The following TTC39C variants were observed in gnomAD, a reference collection of about 807,000 sequenced individuals.
The protein encoded by TTC39C is tetratricopeptide repeat protein 39C.
Under a neutral mutation model 76.3 loss-of-function variants are expected in TTC39C, and 33 were observed. The ratio of observed to expected loss-of-function variants is 0.43; its 90% CI spans 0.33 to 0.58. TTC39C has a LOEUF of 0.58. Among genes scored for constraint, TTC39C ranks in the 20% least tolerant of loss-of-function variants. TTC39C has a pLI of 0.04. For missense variants in TTC39C, 595 were observed against 701.4 expected (o/e 0.85, Z 1.71); for synonymous variants, 254 against 260.6 (o/e 0.97, Z 0.24).
At chr18:24,073,200 A>G (rs7232317) in intron 4 of TTC39C, among the ~76,000 whole-genome samples, 11,440 of 152,178 alleles carry the variant, frequency 0.075, 766 homozygotes, top group African/African-American at 0.18. Context: ...CACACTCTCC[A>G]TTGCTGCTAG....
At chr18:24,005,757 A>G (rs2083346846) in intron 1 of TTC39C, among the ~76,000 whole-genome samples, 1 of 151,656 alleles carries the variant, frequency 6.6e-6, no homozygotes, top group South Asian at 2.1e-4. Flanking sequence ...AGGTTGGAGG[A>G]CGGCTTGAAT....
chr18:24,077,640 A>T (rs2084323545), intron 4 of TTC39C, among the ~76,000 whole-genome samples: 1 of 152,254 alleles, frequency 6.6e-6, no homozygotes, highest in African/African-American at 2.4e-5. Context: ...AGTGCCAGGC[A>T]CATAATAGAA....
At chr18:24,044,469 A>G (rs2083838655) in intron 1 of TTC39C, among the ~76,000 whole-genome samples, 2 of 152,322 alleles carry the variant, frequency 1.3e-5, no homozygotes, top group Non-Finnish European at 2.9e-5. Context: ...AAGTGTCTCC[A>G]GGGTGCACCG....
In TTC39C at chr18:24,125,737, G is replaced by A. The variant is rs1207024603; in HGVS notation, c.1420+187G>A. 1.5e-5 allele frequency: 10 copies of A among 662,302 alleles called. No homozygotes were observed. The East Asian group carries it at 2.8e-4, about 18-fold the overall frequency. 41.0% of individuals were successfully genotyped at this position (662,302 alleles called of 1,614,324 possible). A position where few individuals can be genotyped will look rare whatever the true frequency, so the allele number is the denominator to read the frequency against. On this transcript the variant is annotated intron_variant, in intron 10 of 13. Transcript: ENST00000317571. ...TGTCACTTAGGTGATGGGAGGAGGA[G>A]GCAGCACTGCTGTGGACAGATATGC...
intron 1 of TTC39C, among the ~76,000 whole-genome samples, chr18:24,036,460 T>C (rs2083734078): frequency 6.6e-6 from 1 of 152,238 alleles, no homozygotes; most frequent in Non-Finnish European, 1.5e-5. Flanking sequence ...TTCCTAAGTA[T>C]TTTATTCTTT....
chr18:24,101,382 C>A lies in TTC39C; in HGVS notation c.985-13172C>A, dbSNP rs570133115. 2.6e-5 allele frequency among the ~76,000 whole-genome samples: 4 copies of A among 150,968 alleles called. No homozygotes were observed. The South Asian group carries it at 8.3e-4, about 31-fold the overall frequency. On this transcript the variant is annotated intron_variant, in intron 6 of 13. Coordinates refer to ENST00000317571, the MANE Select transcript of TTC39C (RefSeq NM_001135993.2). Reference sequence around the variant, plus strand: ...CAGCACTTTGGGAGGCCAAGGCGGGCGTTATCACCAGGTCAAGAGATCGAG... The same window carrying A: ...CAGCACTTTGGGAGGCCAAGGCGGGAGTTATCACCAGGTCAAGAGATCGAG...
chr18:24,033,790 C>T (rs1458755769), intron 1 of TTC39C, among the ~76,000 whole-genome samples: 1 of 152,220 alleles, frequency 6.6e-6, no homozygotes, highest in Admixed American at 6.5e-5. Context: ...CAGAGTCTGT[C>T]TGTGACTGGT....
chr18:24,082,836 A>G, intron 5 of TTC39C, 77 bp from the exon 6 acceptor site: 1 of 1,431,014 alleles, frequency 7.0e-7, no homozygotes, highest in Middle Eastern at 1.9e-4. Context: ...TTGGAAGAAC[A>G]CATACTGGAG....
At chr18:24,035,954 G>C (rs997542875) in intron 1 of TTC39C, among the ~76,000 whole-genome samples, 1 of 151,982 alleles carries the variant, frequency 6.6e-6, no homozygotes, top group Non-Finnish European at 1.5e-5. Context: ...TTAATATTTT[G>C]TATGGTATAA....
upstream of TTC39C, among the ~76,000 whole-genome samples, chr18:24,010,316 G>A (rs1166759846): frequency 6.6e-6 from 1 of 152,202 alleles, no homozygotes; most frequent in African/African-American, 2.4e-5. Flanking sequence ...CTGAAACTCC[G>A]CTACTTGTTA....
At chr18:24,100,058 C>T (rs541234544) in intron 6 of TTC39C, among the ~76,000 whole-genome samples, 1 of 152,132 alleles carries the variant, frequency 6.6e-6, no homozygotes, top group South Asian at 2.1e-4. Flanking sequence ...TTTCTAGTTT[C>T]CCTTAACTTA....
intron 4 of TTC39C, among the ~76,000 whole-genome samples, chr18:24,071,835 T>C (rs2084245182): frequency 6.6e-6 from 1 of 152,244 alleles, no homozygotes; most frequent in South Asian, 2.1e-4. Flanking sequence ...TTATTGTTAC[T>C]TAATCCTGTT....
chr18:24,012,519 T>C (rs1463035984), upstream of TTC39C, among the ~76,000 whole-genome samples: 2 of 152,184 alleles, frequency 1.3e-5, no homozygotes, highest in African/African-American at 4.8e-5. Context: ...ATAAACATAG[T>C]GTCATCAATT....
At chr18:24,075,692 A>C (rs373245644) in intron 4 of TTC39C, among the ~76,000 whole-genome samples, 6,898 of 151,018 alleles carry the variant, frequency 0.046, 370 homozygotes, top group African/African-American at 0.13. Context: ...CTCAAAAAAA[A>C]AAAAAAAAAA....
chr18:24,125,440 G>C lies in TTC39C; in HGVS notation c.1310G>C (p.Arg437Pro). Residue 437 changes from arginine to proline, a missense_variant, in exon 10 of 14, where the codon CGG (arginine) becomes CCG (proline). By Grantham distance (103) the Arg-to-Pro change is moderately radical (BLOSUM62 -2). Coordinates refer to ENST00000317571, the MANE Select transcript of TTC39C (RefSeq NM_001135993.2). The part of the protein sequence containing the change: ...QFSVKKAERF[R>P]KQTPTKALCV... ...GACTCCTTGCAGGCAGAGCGATTTC[G>C]GAAGCAAACCCCAACCAAAGCGCTC... The C allele has an allele frequency of 6.2e-7, 1 of 1,614,086 alleles. No individual in the cohort carries two copies. Among genetic ancestry groups the C allele is most frequent in the Non-Finnish European group, 8.5e-7 (1 of 1,180,016 alleles).
intron 2 of TTC39C, among the ~76,000 whole-genome samples, chr18:24,065,134 C>T (rs2084150474): frequency 6.6e-6 from 1 of 152,248 alleles, no homozygotes; most frequent in Non-Finnish European, 1.5e-5. Context: ...GTTGAGATTT[C>T]AGCAGCTTGA....
At chr18:24,065,513 A>G (rs1172966730) in intron 2 of TTC39C, among the ~76,000 whole-genome samples, 1 of 152,228 alleles carries the variant, frequency 6.6e-6, no homozygotes, top group African/African-American at 2.4e-5. Context: ...AAACATAGAC[A>G]ATATAAAATG....
At chr18:24,014,288 G>C (rs1208506914), upstream of TTC39C, 1 of 152,326 alleles carries the variant, frequency 6.6e-6, no homozygotes, top group Non-Finnish European at 1.5e-5. Context: ...TAGCATAGCG[G>C]CCCGGGCGGA....
chr18:24,120,438 A>T (rs955949677), intron 8 of TTC39C, among the ~76,000 whole-genome samples: 4 of 152,224 alleles, frequency 2.6e-5, no homozygotes, highest in African/African-American at 9.6e-5. Context: ...GCTAGAGGGC[A>T]TGGGCATTCA....
Sources: allele counts gnomAD v4.1 joint callset (sites outside exome capture counted in the v4.1 genomes callset), GRCh38; gene constraint gnomAD v4.1.1; transcripts MANE v1.5; gene names NCBI Gene and HGNC (gene_info 2026-07-23, HGNC 2026-07-21).